Variants in EP400 observed in about 807,000 individuals in gnomAD.
EP400 encodes E1A binding protein p400.
EP400 carries 105 observed loss-of-function variants against 354.1 expected under a neutral mutation model. The observed-to-expected ratio is 0.30, with a 90% CI of 0.25 to 0.35. EP400 has a LOEUF of 0.35. Ranked by LOEUF, EP400 falls within the 10% of genes least tolerant of loss-of-function variation. The pLI is 1.00. For synonymous variants in EP400, 1,646 were observed against 1,716.9 expected (o/e 0.96, Z 1.02); for missense variants, 3,280 against 4,121.0 (o/e 0.80, Z 5.59).
chr12:132,069,667 C>T lies in EP400; in HGVS notation c.9021+26C>T, dbSNP rs148650625. The T allele has an allele frequency of 4.6e-3, 7,397 of 1,611,818 alleles. 78 individuals carry two copies. Among genetic ancestry groups the T allele is most frequent in the Admixed American group, 0.04 (2,398 of 59,854 alleles). On this transcript the variant is annotated intron_variant, in intron 51 of 52. Coordinates refer to ENST00000389561, the MANE Select transcript of EP400 (RefSeq NM_015409.5). ...GTGAGCGGGGAACAGGGTGAGGGCC[C>T]GAGTGTCAGGAGTGGGTGCCCGGCC...
intron 2 of EP400, among the ~76,000 whole-genome samples, chr12:131,970,263 A>T (rs1892243277): frequency 6.6e-6 from 1 of 152,242 alleles, no homozygotes; most frequent in Non-Finnish European, 1.5e-5. Flanking sequence ...TACAGTACAA[A>T]TTAAACTGCT....
intron 12 of EP400, among the ~76,000 whole-genome samples, chr12:132,002,384 ATTC>A (rs1037986559): frequency 6.6e-6 from 1 of 151,882 alleles, no homozygotes; most frequent in Non-Finnish European, 1.5e-5. Context: ...AGCTTTCTGT[ATTC>A]TTGTTGTAGG....
rs750105833 is a variant in EP400, at chr12:131,960,775, G to A, written c.156G>A (p.Gln52=). The change falls in exon 2 of 53, where the codon CAG becomes CAA. Residue 52 remains glutamine (Q), a synonymous_variant. Transcript: ENST00000389561. ...FAPSASPSAP[Q]SPSYQIQQLM... ...CCTCAGCAAGCCCGTCGGCACCCCAGTCTCCCAGTTATCAAATACAGCAGC... is the reference window on the plus strand; with the variant it reads ...CCTCAGCAAGCCCGTCGGCACCCCAATCTCCCAGTTATCAAATACAGCAGC... 5.2e-6 allele frequency: 7 copies of A among 1,340,952 alleles called. No individual in the cohort carries two copies. Among genetic ancestry groups the A allele is most frequent in the Non-Finnish European group, 5.9e-6 (6 of 1,015,970 alleles). The allele number at this position is 1,340,952 out of a possible 1,614,324, so 83.1% of individuals were successfully genotyped here.
rs201279046 is a variant in EP400 at position 131,961,895 on chromosome 12, G to A, written c.1276G>A (p.Glu426Lys). Residue 426 changes from glutamate to lysine, a missense_variant, in exon 2 of 53, where the codon GAA (glutamate) becomes AAA (lysine). By Grantham distance (56) the Glu-to-Lys change is moderately conservative (BLOSUM62 1). Transcript: ENST00000389561. ...AYLRQNDLDI[E>K]EEEEEEEEEE... ...TCTTAGGCAGAATGATTTGGACATT[G>A]AAGAAGAGGAGGAGGAGGAGGAAGA... is the stretch of plus-strand genomic sequence containing the variant. 1 of 1,613,952 alleles carries A rather than the reference G, an allele frequency of 6.2e-7. No homozygotes were observed. The highest frequency in any genetic ancestry group is 1.7e-5 in the Admixed American group (1 of 60,012).
chr12:132,052,711 C>G lies in EP400; in HGVS notation c.7395-435C>G, dbSNP rs1376505903. Reference sequence around the variant, plus strand: ...CTACTAATATTTATGGACCGCGGGCCTGCGCGGCGTGGAGCCTGGGCATTC... The same window carrying G: ...CTACTAATATTTATGGACCGCGGGCGTGCGCGGCGTGGAGCCTGGGCATTC... On this transcript the variant is annotated intron_variant, in intron 41 of 52. Transcript: ENST00000389561. This position sits in a 1 kb window ranked among gnomAD's most constrained non-coding sequence, Gnocchi z 4.4. Among the ~76,000 whole-genome samples, 1 of 151,966 alleles carries G rather than the reference C, an allele frequency of 6.6e-6. No individual in the cohort carries two copies.
At chr12:132,004,397 TA>T (rs1386170044) in intron 12 of EP400, among the ~76,000 whole-genome samples, 2 of 152,188 alleles carry the variant, frequency 1.3e-5, no homozygotes, top group African/African-American at 4.8e-5. Context: ...TAATGTGTGG[TA>T]TTTTTTTTTA....
chr12:132,040,392 G>A (rs974566682), intron 32 of EP400, among the ~76,000 whole-genome samples: 31 of 152,220 alleles, frequency 2.0e-4, no homozygotes, highest in African/African-American at 5.3e-4. Flanking sequence ...TGAAATTAGC[G>A]TGTAGGAGAG....
At position 131,960,736 on chromosome 12, in the gene EP400, A is replaced by G. The variant is rs749253879; in HGVS notation, c.117A>G (p.Ala39=). Residue 39 remains alanine, a synonymous_variant, in exon 2 of 53, where the codon GCA becomes GCG. Coordinates refer to ENST00000389561, the MANE Select transcript of EP400 (RefSeq NM_015409.5). ...PAHPNPPPSP[A]APFAPSASPS... is the part of the protein sequence containing the mutation. ...ACCCCAACCCACCCCCGTCCCCCGC[A>G]GCTCCCTTCGCTCCCTCAGCAAGCC... The G allele has an allele frequency of 5.3e-6, 2 of 376,216 alleles. No individual in the cohort carries two copies. The highest frequency in any genetic ancestry group is 7.3e-6 in the Non-Finnish European group (2 of 272,472). 23.3% of individuals were successfully genotyped at this position (376,216 alleles called of 1,614,324 possible).
chr12:132,064,750 A>C lies in EP400; in HGVS notation c.8417A>C (p.Gln2806Pro), dbSNP rs148286522. The C allele has an allele frequency of 6.2e-6, 10 of 1,613,576 alleles. No homozygotes were observed. Among genetic ancestry groups the C allele is most frequent in the Non-Finnish European group, 8.5e-6 (10 of 1,179,950 alleles). Residue 2806 changes from glutamine to proline, a missense_variant, in exon 48 of 53, where the codon CAG becomes CCG. Around this residue, in one of 20 missense-constraint regions of EP400, gnomAD observed 86 missense variants for 66.4 expected, o/e 1.29. Coordinates refer to ENST00000389561, the MANE Select transcript of EP400 (RefSeq NM_015409.5). ...CCACAGGCCCAGTCTGCGCCCCCGC[A>C]GCCAACAGCCCAAGTGCAAGTGCAG... ...PPPQAQSAPP[Q>P]PTAQVQVQTS... is the part of the protein sequence containing the mutation.
At chr12:132,011,722 T>G (rs557929097) in intron 16 of EP400, 88 bp downstream of exon 16, 15 of 1,413,502 alleles carry the variant, frequency 1.1e-5, no homozygotes, top group Admixed American at 5.0e-5. Context: ...GAAGACATGC[T>G]TATTCATGGA....
chr12:132,053,455 A>C lies in EP400; in HGVS notation c.7586A>C (p.Gln2529Pro), dbSNP rs1895376000. 1 of 1,482,112 alleles carries C rather than the reference A, an allele frequency of 6.7e-7. No individual in the cohort carries two copies. The highest frequency in any genetic ancestry group is 1.5e-5 in the African/African-American group (1 of 66,580). 91.8% of individuals were successfully genotyped at this position (1,482,112 alleles called of 1,614,324 possible). A position where few individuals can be genotyped will look rare whatever the true frequency, so the allele number is the denominator to read the frequency against. Residue 2529 changes from glutamine (Q) to proline (P), a missense_variant, in exon 43 of 53, where the codon CAG becomes CCG. Coordinates refer to ENST00000389561, the MANE Select transcript of EP400 (RefSeq NM_015409.5). ...CCACCGCCACCGCTGCCACAACCAC[A>C]GGCAGCGGGCAGCCAGCCGCCAGCA... ...QQPPPPLPQP[Q>P]AAGSQPPAGP...
In EP400 at chr12:131,961,782, T is replaced by C. The variant is rs1272939711; in HGVS notation, c.1163T>C (p.Ile388Thr). 14 of 1,614,120 alleles carry C rather than the reference T, an allele frequency of 8.7e-6. No individual in the cohort carries two copies. The highest frequency in any genetic ancestry group is 2.7e-5 in the African/African-American group (2 of 74,946). The change falls in exon 2 of 53, where the codon ATT becomes ACT. Residue 388 changes from isoleucine to threonine, a missense_variant. Ile to Thr is a moderately conservative substitution (Grantham distance 89). Coordinates refer to ENST00000389561, the MANE Select transcript of EP400 (RefSeq NM_015409.5). ...ALKEVFKEYLIELFFLQHFQG... is the reference protein window; with the variant it reads ...ALKEVFKEYLTELFFLQHFQG... ...AAGGAGGTCTTCAAGGAGTATTTGA[T>C]TGAACTGTTTTTCTTGCAACACTTT...
In EP400 at chr12:132,053,423, G is replaced by A. The variant is rs550621166; in HGVS notation, c.7554G>A (p.Pro2518=). The change falls in exon 43 of 53, where the codon CCG becomes CCA. Residue 2518 remains proline, a synonymous_variant. Coordinates refer to ENST00000389561, the MANE Select transcript of EP400 (RefSeq NM_015409.5). ...CCCAGCCGCAGCCCCCACCACCCCCGCAGCAGCCACCGCCACCGCTGCCAC... is the reference window on the plus strand; with the variant it reads ...CCCAGCCGCAGCCCCCACCACCCCCACAGCAGCCACCGCCACCGCTGCCAC... ...PPPQPQPPPP[P]QQPPPPLPQP... 2.5e-5 allele frequency: 17 copies of A among 669,750 alleles called. No individual in the cohort carries two copies. Among genetic ancestry groups the A allele is most frequent in the Middle Eastern group, 1.1e-3 (2 of 1,820 alleles). The allele number at this position is 669,750 out of a possible 1,614,324, so 41.5% of individuals were successfully genotyped here.
chr12:131,989,441 A>G lies in EP400; in HGVS notation c.2410-523A>G, dbSNP rs73162976. On this transcript the variant is annotated intron_variant, in intron 7 of 52. Coordinates refer to ENST00000389561, the MANE Select transcript of EP400 (RefSeq NM_015409.5). The stretch of plus-strand genomic sequence containing the variant: ...TAGAACGGGCGTGGGGGTGACAGCC[A>G]TTGTGCTCTCAGGGCTCCAAAGGTT... Among the ~76,000 whole-genome samples, 1,405 of 152,286 alleles carry G rather than the reference A, an allele frequency of 9.2e-3. 18 individuals are homozygous for G. Among genetic ancestry groups the G allele is most frequent in the African/African-American group, 0.032 (1,321 of 41,550 alleles).
At chr12:131,995,936 G>A (rs988849685) in intron 12 of EP400, among the ~76,000 whole-genome samples, 1 of 151,378 alleles carries the variant, frequency 6.6e-6, no homozygotes, top group Non-Finnish European at 1.5e-5. Context: ...TCATACGAAC[G>A]AATCCCACCA....
Position 132,032,127 on chromosome 12 carries a change from T to C in EP400, c.5929T>C (p.Cys1977Arg), listed in dbSNP as rs1189169581. Residue 1977 changes from cysteine (C) to arginine (R), a missense_variant, in exon 30 of 53, where the codon TGC (cysteine) becomes CGC (arginine). Cys to Arg is a radical substitution (Grantham distance 180). Transcript: ENST00000389561. The stretch of plus-strand genomic sequence containing the variant: ...GGAGTGGTGCGATAGGATCGGGAGA[T>C]GCAAAGACATCCACATATACAGGTG... ...AQEWCDRIGR[C>R]KDIHIYRLVS... The C allele has an allele frequency of 6.2e-7, 1 of 1,613,544 alleles. No individual in the cohort carries two copies.
At chr12:132,065,916 G>T (rs1895875879) in intron 48 of EP400, 1 of 152,182 alleles carries the variant, frequency 6.6e-6, no homozygotes, top group African/African-American at 2.4e-5. Flanking sequence ...ATGAAAATGT[G>T]CACGCTTATT....
intron 45 of EP400, 117 bp from the exon 46 acceptor site, chr12:132,061,991 CGT>C (rs1016767497): frequency 2.1e-5 from 16 of 778,084 alleles, no homozygotes; most frequent in African/African-American, 5.1e-5. Flanking sequence ...TGAACTCTAG[CGT>C]GTGTTTCACT....
chr12:131,954,277 TAG>T (rs779314485), intron 1 of EP400, among the ~76,000 whole-genome samples: 1 of 150,340 alleles, frequency 6.7e-6, no homozygotes, highest in South Asian at 2.1e-4. Flanking sequence ...AGCGTCTCTG[TAG>T]AGAGTTGAAT....
Sources: allele counts gnomAD v4.1 joint callset (sites outside exome capture counted in the v4.1 genomes callset), GRCh38; gene constraint gnomAD v4.1.1; regional missense constraint gnomAD v4.1.1; non-coding constraint Gnocchi (gnomAD v3.1); transcripts MANE v1.5; gene names NCBI Gene and HGNC (gene_info 2026-07-23, HGNC 2026-07-21).